HNF1B: variants seen among roughly 807,000 people sequenced by gnomAD.
HNF1B encodes hepatocyte nuclear factor 1-beta.
HNF1B carries 8 observed loss-of-function variants against 61.7 expected under a neutral mutation model. That is an observed-to-expected ratio of 0.13 (90% CI 0.08 to 0.23). The LOEUF is 0.23. Ranked by LOEUF, HNF1B falls within the 10% of genes least tolerant of loss-of-function variation. The probability of loss-of-function intolerance (pLI) is 1.00; values close to 1 mark genes in which losing one functional copy is unlikely to be tolerated. For missense variants in HNF1B, 562 were observed against 714.5 expected (o/e 0.79, Z 2.43); for synonymous variants, 314 against 287.7 (o/e 1.09, Z -0.93).
chr17:37,727,291 A>G (rs2033531128), intron 4 of HNF1B, among the ~76,000 whole-genome samples: 2 of 152,076 alleles, frequency 1.3e-5, no homozygotes, highest in African/African-American at 4.8e-5. Flanking sequence ...GCCTATAACC[A>G]GGGACAGCTC....
At position 37,699,151 on chromosome 17, in the gene HNF1B, G is replaced by C. The variant is rs751225159; in HGVS notation, c.1578C>G (p.Ser526=). 8.4e-5 allele frequency: 136 copies of C among 1,613,996 alleles called. No individual in the cohort carries two copies. Among genetic ancestry groups the C allele is most frequent in the Non-Finnish European group, 1.1e-4 (128 of 1,180,020 alleles). ...TGACCACCATTGCAGATGGAAACCG[G>C]GAGGTGTGGGAATACTGGGGGGGTT... ...KQEPPQYSHT[S]RFPSAMVVTD... Residue 526 remains serine, a synonymous_variant, in exon 8 of 9, where the codon TCC becomes TCG. Coordinates refer to ENST00000617811, the MANE Select transcript of HNF1B (RefSeq NM_000458.4).
rs531351976 is a variant in HNF1B at position 37,721,968 on chromosome 17, G to T, written c.1045+9627C>A. Among the ~76,000 whole-genome samples, 5 of 152,206 alleles carry T rather than the reference G, an allele frequency of 3.3e-5. No individual in the cohort carries two copies. The South Asian group carries it at 1.0e-3, about 32-fold the overall frequency. ...TGGGACTCTACGTGAATCTCTTAGG[G>T]CTTTTGTCGAAAGTTCTTATGCCTG... On this transcript the variant is annotated intron_variant, in intron 4 of 8. Transcript: ENST00000617811.
At chr17:37,715,872 C>A (rs1432827238) in intron 4 of HNF1B, among the ~76,000 whole-genome samples, 1 of 152,174 alleles carries the variant, frequency 6.6e-6, no homozygotes, top group Non-Finnish European at 1.5e-5. Context: ...TGGCTCATGC[C>A]TGTAATCCCA....
rs2031978112 is a variant in HNF1B, at chr17:37,686,638, A to G, written c.*734T>C. The G allele has an allele frequency of 3.8e-5, 6 of 157,300 alleles. No individual in the cohort carries two copies. In the South Asian group the frequency reaches 1.1e-3, roughly 29 times the overall value. The allele number at this position is 157,300 out of a possible 1,614,324, so 9.7% of individuals were successfully genotyped here. ...GTGTGTCTTAATGTCAGGAGACTGGAGTTAGCTGGTAGTCAGTCCAAGGTA... is the reference window on the plus strand; with the variant it reads ...GTGTGTCTTAATGTCAGGAGACTGGGGTTAGCTGGTAGTCAGTCCAAGGTA... On this transcript the variant is annotated 3_prime_UTR_variant, in exon 9 of 9. Coordinates refer to ENST00000617811, the MANE Select transcript of HNF1B (RefSeq NM_000458.4).
At chr17:37,701,546 C>T (rs1341078689) in intron 6 of HNF1B, among the ~76,000 whole-genome samples, 2 of 152,226 alleles carry the variant, frequency 1.3e-5, no homozygotes, top group African/African-American at 2.4e-5. Flanking sequence ...CTGGTGCCCG[C>T]AGGGCAGAGT....
rs2269840 is a variant in HNF1B at position 37,699,466 on chromosome 17, C to T, written c.1535-272G>A. ...TACCAGGGAGGCCTCCGGTACGGAA[C>T]GGGAGCAAAGGTCACTGGCTGTTGC... On this transcript the variant is annotated intron_variant, in intron 7 of 8. Transcript: ENST00000617811. Among the ~76,000 whole-genome samples the T allele has an allele frequency of 2.1e-3, 319 of 152,334 alleles. 7 individuals are homozygous for T. In the East Asian group the frequency reaches 0.035, roughly 17 times the overall value.
At chr17:37,725,150 C>T (rs77735457) in intron 4 of HNF1B, among the ~76,000 whole-genome samples, 1,578 of 152,314 alleles carry the variant, frequency 0.01, 25 homozygotes, top group African/African-American at 0.036. Context: ...TCTCATCAAA[C>T]CTTCAACAGT....
At chr17:37,708,409 C>T (rs886282646) in intron 5 of HNF1B, among the ~76,000 whole-genome samples, 22 of 152,216 alleles carry the variant, frequency 1.4e-4, no homozygotes, top group African/African-American at 4.3e-4. Flanking sequence ...AGTTAAAGCA[C>T]TGCTGAGCAG....
intron 5 of HNF1B, 56 bp from the exon 6 acceptor site, chr17:37,705,105 G>A: frequency 2.6e-6 from 4 of 1,553,150 alleles, no homozygotes; most frequent in Non-Finnish European, 3.5e-6. Flanking sequence ...ACAAAGAGCA[G>A]TTTCCAACAC....
chr17:37,727,716 G>A (rs2033546957), intron 4 of HNF1B, among the ~76,000 whole-genome samples: 1 of 152,166 alleles, frequency 6.6e-6, no homozygotes. Context: ...TCACACCGTG[G>A]TCATCGTGGG....
At chr17:37,731,452 G>C (rs765337826) in intron 4 of HNF1B, 143 bp downstream of exon 4, 6 of 740,736 alleles carry the variant, frequency 8.1e-6, no homozygotes, top group Middle Eastern at 2.2e-4. Context: ...ATTTCCAGGG[G>C]AGTATATTCT....
In HNF1B at chr17:37,744,921, G is replaced by T; in HGVS notation, c.-37C>A. ...GGAAAAAGAAGGGGGTGAGGGGGTG[G>T]GTGGGTGCGAGAGAGGAGGGTGGAG... On this transcript the variant is annotated 5_prime_UTR_variant, in exon 1 of 9. Coordinates refer to ENST00000617811, the MANE Select transcript of HNF1B (RefSeq NM_000458.4). 2 of 1,425,318 alleles carry T rather than the reference G, an allele frequency of 1.4e-6. No homozygotes were observed. The highest frequency in any genetic ancestry group is 1.2e-5 in the South Asian group (1 of 85,948). The allele number at this position is 1,425,318 out of a possible 1,614,324, so 88.3% of individuals were successfully genotyped here. A position where few individuals can be genotyped will look rare whatever the true frequency, so the allele number is the denominator to read the frequency against.
chr17:37,689,423 C>T (rs893485672), intron 8 of HNF1B, among the ~76,000 whole-genome samples: 7 of 152,192 alleles, frequency 4.6e-5, no homozygotes, highest in African/African-American at 1.2e-4. Context: ...GATAAGGAGA[C>T]GCCAGTGAGA....
intron 4 of HNF1B, chr17:37,730,498 G>A (rs756018821): frequency 2.0e-5 from 3 of 152,316 alleles, no homozygotes; most frequent in African/African-American, 4.8e-5. Flanking sequence ...GGAAGAGGCA[G>A]TGCTATGGGA....
Position 37,733,700 on chromosome 17 carries a change from G to A in HNF1B, c.666C>T (p.Ala222=). 2 of 1,614,206 alleles carry A rather than the reference G, an allele frequency of 1.2e-6. No homozygotes were observed. The highest frequency in any genetic ancestry group is 2.2e-5 in the East Asian group (1 of 44,888). ...TCTTCTTGTTGGTGGGCTCAGAGCA[G>A]GCATCATCGGACTGCCCAGGCCCAT... ...QSHGPGQSDD[A]CSEPTNKKMR... is the part of the protein sequence containing the mutation. Residue 222 remains alanine, a synonymous_variant, in exon 3 of 9, where the codon GCC becomes GCT. Coordinates refer to ENST00000617811, the MANE Select transcript of HNF1B (RefSeq NM_000458.4).
At chr17:37,731,500 G>A (rs1052515065) in intron 4 of HNF1B, 95 bp downstream of exon 4, 31 of 996,038 alleles carry the variant, frequency 3.1e-5, no homozygotes, top group African/African-American at 1.9e-4. Flanking sequence ...TCTCAAAAGC[G>A]TTTGCTCCTC....
chr17:37,714,079 T>C (rs1158864974), intron 4 of HNF1B, among the ~76,000 whole-genome samples: 2 of 152,240 alleles, frequency 1.3e-5, no homozygotes, highest in African/African-American at 4.8e-5. Flanking sequence ...CTGTGTGATC[T>C]TGGGAAGTTA....
intron 4 of HNF1B, among the ~76,000 whole-genome samples, chr17:37,727,723 T>C (rs1485020999): frequency 6.6e-6 from 1 of 152,116 alleles, no homozygotes; most frequent in East Asian, 1.9e-4. Context: ...GTGGTCATCG[T>C]GGGCAAGTGG....
At position 37,687,333 on chromosome 17, in the gene HNF1B, G is replaced by A. The variant is rs1433498082; in HGVS notation, c.*39C>T. On this transcript the variant is annotated 3_prime_UTR_variant, in exon 9 of 9. Coordinates refer to ENST00000617811, the MANE Select transcript of HNF1B (RefSeq NM_000458.4). Reference sequence around the variant, plus strand: ...AGAGGGTGATGGTGTGGAAAACAGGGTCCTTGTTGTTGCGCACGAAGTAAG... The same window carrying A: ...AGAGGGTGATGGTGTGGAAAACAGGATCCTTGTTGTTGCGCACGAAGTAAG... 2.5e-6 allele frequency: 4 copies of A among 1,614,124 alleles called. No individual in the cohort carries two copies. Among genetic ancestry groups the A allele is most frequent in the Non-Finnish European group, 3.4e-6 (4 of 1,180,028 alleles).
Sources: gnomAD v4.1 joint callset for allele counts (sites outside exome capture counted in the v4.1 genomes callset) on GRCh38, gnomAD v4.1.1 for gene constraint, MANE v1.5 for transcripts, NCBI Gene and HGNC (gene_info 2026-07-23, HGNC 2026-07-21) for gene names.